Variants in CCSER1 observed in about 807,000 individuals in gnomAD.
The protein encoded by CCSER1 is serine-rich coiled-coil domain-containing protein 1.
In CCSER1, 41 loss-of-function variants were observed where a neutral mutation model predicts 82.0. The ratio of observed to expected loss-of-function variants is 0.50; its 90% CI spans 0.39 to 0.65. The LOEUF is 0.65. CCSER1 is among the 30% of genes least tolerant of loss of function. CCSER1 has a pLI of 0.00. For synonymous variants in CCSER1, 414 were observed against 383.9 expected, an observed-to-expected ratio of 1.08 and a Z score of -0.92; for missense variants, 1,119 against 1,064.2, an observed-to-expected ratio of 1.05 and a Z score of -0.72.
intron 5 of CCSER1, among the ~76,000 whole-genome samples, chr4:90,512,990 T>C (rs1045907216): frequency 2.0e-5 from 3 of 152,144 alleles, no homozygotes; most frequent in African/African-American, 7.2e-5. Flanking sequence ...TTTTTTATAA[T>C]TATTTTAGAA....
intron 9 of CCSER1, among the ~76,000 whole-genome samples, chr4:90,991,202 TCTC>T (rs879917682): frequency 1.4e-4 from 22 of 151,890 alleles, no homozygotes; most frequent in Non-Finnish European, 2.7e-4. Flanking sequence ...TTTGGGTTCT[TCTC>T]CTTAGTTTGA....
At chr4:91,345,228 C>A (rs1046789289) in intron 10 of CCSER1, among the ~76,000 whole-genome samples, 1 of 152,080 alleles carries the variant, frequency 6.6e-6, no homozygotes, top group Non-Finnish European at 1.5e-5. Flanking sequence ...CCTGTCTCTA[C>A]TAAAAATGCA....
At chr4:91,092,706 A>G (rs994080063) in intron 10 of CCSER1, among the ~76,000 whole-genome samples, 6 of 152,170 alleles carry the variant, frequency 3.9e-5, no homozygotes, top group African/African-American at 1.4e-4. Flanking sequence ...TGGTAACTGT[A>G]TCCACCCTTC....
At position 90,763,176 on chromosome 4, in the gene CCSER1, A is replaced by T. The variant is rs569316142; in HGVS notation, c.2010+39185A>T. Among the ~76,000 whole-genome samples the T allele has an allele frequency of 1.1e-4, 17 of 152,104 alleles. No homozygotes were observed. The South Asian group carries it at 3.5e-3, about 32-fold the overall frequency. ...AGAATTGTCATAATTTTCCTTGTGA[A>T]TTTGCATATTTTCATAATACAAGCT... On this transcript the variant is annotated intron_variant, in intron 7 of 10. Transcript: ENST00000509176.
chr4:90,628,265 G>C, intron 6 of CCSER1, 33 bp downstream of exon 6: 1 of 1,530,732 alleles, frequency 6.5e-7, no homozygotes, highest in South Asian at 1.1e-5. Flanking sequence ...ATGTCCTTCA[G>C]TGCTGGTAGA....
chr4:91,419,266 T>C (rs1753561472), intron 10 of CCSER1, among the ~76,000 whole-genome samples: 1 of 151,902 alleles, frequency 6.6e-6, no homozygotes, highest in South Asian at 2.1e-4. Flanking sequence ...TAGAAGGCAT[T>C]CAAATTGGAA....
intron 10 of CCSER1, among the ~76,000 whole-genome samples, chr4:91,512,238 C>T (rs994365403): frequency 5.9e-5 from 9 of 152,152 alleles, no homozygotes; most frequent in Non-Finnish European, 7.4e-5. Context: ...CAGACCCACC[C>T]TCAATCTGGA....
At chr4:91,172,949 C>G (rs577477405) in intron 10 of CCSER1, among the ~76,000 whole-genome samples, 2 of 152,076 alleles carry the variant, frequency 1.3e-5, no homozygotes, top group Non-Finnish European at 2.9e-5. Flanking sequence ...ATCTTTAAAT[C>G]TCCAGAATGC....
At chr4:90,192,316 C>G (rs1233109835) in intron 1 of CCSER1, among the ~76,000 whole-genome samples, 1 of 152,024 alleles carries the variant, frequency 6.6e-6, no homozygotes, top group Non-Finnish European at 1.5e-5. Context: ...TCACCTCCCA[C>G]CTGGTCCCTC....
At chr4:90,561,129 T>G (rs879420203) in intron 5 of CCSER1, among the ~76,000 whole-genome samples, 1 of 152,200 alleles carries the variant, frequency 6.6e-6, no homozygotes, top group Non-Finnish European at 1.5e-5. Context: ...TAATACACAG[T>G]TAATCTGTTA....
intron 6 of CCSER1, among the ~76,000 whole-genome samples, chr4:90,710,930 A>G (rs1361449010): frequency 6.6e-6 from 1 of 152,156 alleles, no homozygotes; most frequent in Non-Finnish European, 1.5e-5. Flanking sequence ...AAGTATGGTC[A>G]TTCAGATGAT....
intron 7 of CCSER1, among the ~76,000 whole-genome samples, chr4:90,799,930 C>A (rs1020891311): frequency 6.6e-6 from 1 of 152,194 alleles, no homozygotes; most frequent in Non-Finnish European, 1.5e-5. Flanking sequence ...GTTCAACTGA[C>A]CCATTCCCTG....
chr4:90,861,728 T>G (rs1765107126), intron 8 of CCSER1, among the ~76,000 whole-genome samples: 1 of 151,610 alleles, frequency 6.6e-6, no homozygotes, highest in Admixed American at 6.6e-5. Context: ...TTTAAACATT[T>G]AATGTACTTT....
intron 7 of CCSER1, among the ~76,000 whole-genome samples, chr4:90,773,185 A>C (rs1752453514): frequency 6.6e-6 from 1 of 152,218 alleles, no homozygotes; most frequent in African/African-American, 2.4e-5. Context: ...GGTTGCGGTT[A>C]GCCGAGTTCA....
intron 5 of CCSER1, among the ~76,000 whole-genome samples, chr4:90,615,536 A>T (rs1721022945): frequency 6.6e-6 from 1 of 152,218 alleles, no homozygotes; most frequent in Non-Finnish European, 1.5e-5. Flanking sequence ...GTTCAAGACT[A>T]CAAAGACCAG....
chr4:91,291,470 AAGCATGATGCT>A lies in CCSER1; in HGVS notation c.2217+205482_2217+205492del, dbSNP rs561643000. Among the ~76,000 whole-genome samples, 231 of 152,124 alleles carry A rather than the reference AAGCATGATGCT, an allele frequency of 1.5e-3. 1 individual carries two copies. The highest frequency in any genetic ancestry group is 5.1e-3 in the African/African-American group (213 of 41,544). The stretch of plus-strand genomic sequence containing the variant: ...CTCATGGTTGTACAAACCGTACAGG[AAGCATGATGCT>A]AGCATCTGCTGGGCTTCTGGGGATT... On this transcript the variant is annotated intron_variant, in intron 10 of 10. Coordinates refer to ENST00000509176, the MANE Select transcript of CCSER1 (RefSeq NM_001145065.2).
rs1230546133 is a variant in CCSER1, at chr4:90,397,699, A to G, written c.1510-2337A>G. 3.3e-5 allele frequency among the ~76,000 whole-genome samples: 5 copies of G among 152,176 alleles called. No individual in the cohort carries two copies. The East Asian group carries it at 9.7e-4, about 29-fold the overall frequency. ...GTCACCAAGTTTGGTTAAGATGTCC[A>G]TCTTGGACCGTTCACCAAGGAGAAG... On this transcript the variant is annotated intron_variant, in intron 3 of 10. Transcript: ENST00000509176.
intron 4 of CCSER1, among the ~76,000 whole-genome samples, chr4:90,461,657 G>A (rs567240662): frequency 6.6e-6 from 1 of 152,112 alleles, no homozygotes; most frequent in Non-Finnish European, 1.5e-5. Context: ...TGCTTGGCTA[G>A]CATCTTTTCT....
intron 10 of CCSER1, among the ~76,000 whole-genome samples, chr4:91,174,259 G>T (rs1733072946): frequency 6.6e-6 from 1 of 151,906 alleles, no homozygotes; most frequent in African/African-American, 2.4e-5. Flanking sequence ...ATAGTTTGAA[G>T]GCTATGCTCC....
Sources: allele counts gnomAD v4.1 joint callset (sites outside exome capture counted in the v4.1 genomes callset), GRCh38; gene constraint gnomAD v4.1.1; transcripts MANE v1.5; gene names NCBI Gene and HGNC (gene_info 2026-07-23, HGNC 2026-07-21).